Variants in FAM13C observed in about 807,000 individuals in gnomAD.
FAM13C encodes the protein protein FAM13C.
In FAM13C, 37 loss-of-function variants were observed where a neutral mutation model predicts 73.2. The observed-to-expected ratio is 0.51, with a 90% CI of 0.39 to 0.67. The LOEUF is 0.67. Among genes scored for constraint, FAM13C ranks in the 30% least tolerant of loss-of-function variants. The probability of loss-of-function intolerance (pLI) is 0.00; values close to 1 mark genes in which losing one functional copy is unlikely to be tolerated. For synonymous variants in FAM13C, 246 were observed against 260.9 expected (o/e 0.94, Z 0.55); for missense variants, 589 against 715.6 (o/e 0.82, Z 2.02).
chr10:59,278,376 C>T (rs1844558463), intron 6 of FAM13C, among the ~76,000 whole-genome samples: 1 of 152,146 alleles, frequency 6.6e-6, no homozygotes, highest in African/African-American at 2.4e-5. Context: ...CACTAATGCC[C>T]AATCCATTCA....
intron 4 of FAM13C, among the ~76,000 whole-genome samples, chr10:59,311,732 G>A (rs1848944027): frequency 6.6e-6 from 1 of 152,174 alleles, no homozygotes; most frequent in South Asian, 2.1e-4. Flanking sequence ...CGGAAGAGAA[G>A]GTGGGGTGTG....
intron 4 of FAM13C, among the ~76,000 whole-genome samples, chr10:59,322,028 T>A (rs959236771): frequency 5.9e-5 from 9 of 152,180 alleles, no homozygotes; most frequent in African/African-American, 2.2e-4. Flanking sequence ...TACAGTATCA[T>A]GTCTCTATCA....
chr10:59,325,567 A>G (rs1850988317), intron 3 of FAM13C, among the ~76,000 whole-genome samples: 1 of 152,130 alleles, frequency 6.6e-6, no homozygotes, highest in African/African-American at 2.4e-5. Flanking sequence ...ATACTGGTCA[A>G]ACTCTCTCAC....
intron 4 of FAM13C, chr10:59,323,283 G>T (rs1215203365): frequency 5.3e-5 from 8 of 152,326 alleles, no homozygotes; most frequent in Admixed American, 5.2e-4. Context: ...CAGCTGCAAT[G>T]CCAGGCTCCC....
intron 3 of FAM13C, among the ~76,000 whole-genome samples, chr10:59,349,795 C>T (rs774970456): frequency 2.6e-5 from 4 of 151,942 alleles, no homozygotes; most frequent in Non-Finnish European, 5.9e-5. Context: ...ATTGAATGGA[C>T]TACCAAGGAA....
chr10:59,271,676 C>G (rs766798816), intron 6 of FAM13C, among the ~76,000 whole-genome samples: 43 of 152,192 alleles, frequency 2.8e-4, no homozygotes, highest in Non-Finnish European at 5.1e-4. Flanking sequence ...ATAAGAGTTA[C>G]TAACCAATAA....
chr10:59,286,720 C>T (rs940919948), intron 5 of FAM13C, among the ~76,000 whole-genome samples: 2 of 151,190 alleles, frequency 1.3e-5, no homozygotes, highest in Admixed American at 1.3e-4. Context: ...CTTAATGTCA[C>T]TGAACTACAC....
chr10:59,254,283 A>G, intron 11 of FAM13C, 65 bp downstream of exon 11: 1 of 1,069,824 alleles, frequency 9.3e-7, no homozygotes, highest in Non-Finnish European at 1.4e-6. Context: ...CTCTTGTACT[A>G]CTATGTGACA....
intron 1 of FAM13C, chr10:59,361,096 C>T (rs1248925076): frequency 2.3e-6 from 3 of 1,289,176 alleles, no homozygotes; most frequent in African/African-American, 3.0e-5. Context: ...ACACCTCTCT[C>T]CCCTTCTCTC....
intron 3 of FAM13C, among the ~76,000 whole-genome samples, chr10:59,339,253 A>C (rs939270472): frequency 6.6e-6 from 1 of 152,114 alleles, no homozygotes. Context: ...ATTGCTATTA[A>C]AGGTCACATT....
intron 5 of FAM13C, among the ~76,000 whole-genome samples, chr10:59,298,414 T>C (rs118059901): frequency 2.1e-4 from 32 of 152,332 alleles, no homozygotes; most frequent in Non-Finnish European, 4.1e-4. Flanking sequence ...TCAAAGTATC[T>C]ATCAGATAAG....
At chr10:59,298,693 C>G (rs1847206823) in intron 5 of FAM13C, among the ~76,000 whole-genome samples, 2 of 152,186 alleles carry the variant, frequency 1.3e-5, no homozygotes, top group South Asian at 4.1e-4. Context: ...TGCTATTGCA[C>G]TACTTACTAT....
Position 59,354,220 on chromosome 10 carries a change from T to C in FAM13C, c.119+1667A>G, listed in dbSNP as rs74150874. On this transcript the variant is annotated intron_variant, in intron 2 of 13. Coordinates refer to ENST00000618804, the MANE Select transcript of FAM13C (RefSeq NM_198215.4). The stretch of plus-strand genomic sequence containing the variant: ...TTTTTATATCATGTTTTCAAGTCAA[T>C]CAAAATTTAGAAGTGTAATTTTGTT... Among the ~76,000 whole-genome samples, 469 of 152,246 alleles carry C rather than the reference T, an allele frequency of 3.1e-3. 3 individuals carry two copies. Among genetic ancestry groups the C allele is most frequent in the African/African-American group, 0.01 (429 of 41,552 alleles).
At chr10:59,304,863 A>C (rs1189022470) in intron 4 of FAM13C, among the ~76,000 whole-genome samples, 1 of 129,426 alleles carries the variant, frequency 7.7e-6, no homozygotes, top group East Asian at 2.6e-4. Context: ...GGGGAAGGGA[A>C]AGGGAGGGCA....
At chr10:59,335,906 C>A (rs994095388) in intron 3 of FAM13C, among the ~76,000 whole-genome samples, 1 of 152,154 alleles carries the variant, frequency 6.6e-6, no homozygotes, top group Non-Finnish European at 1.5e-5. Flanking sequence ...ACATAGTATC[C>A]TGGGACATCA....
At chr10:59,280,471 C>T (rs937674014) in intron 6 of FAM13C, among the ~76,000 whole-genome samples, 3 of 152,176 alleles carry the variant, frequency 2.0e-5, no homozygotes, top group Non-Finnish European at 2.9e-5. Flanking sequence ...AGCCTCTTCC[C>T]GTTGGCAAAA....
At chr10:59,292,525 A>G (rs903019836) in intron 5 of FAM13C, among the ~76,000 whole-genome samples, 61 of 152,384 alleles carry the variant, frequency 4.0e-4, no homozygotes, top group African/African-American at 1.4e-3. Flanking sequence ...TTCTGATAAC[A>G]CTACCTTAAC....
chr10:59,351,422 A>C (rs1310639821), intron 3 of FAM13C, among the ~76,000 whole-genome samples: 1 of 152,154 alleles, frequency 6.6e-6, no homozygotes, highest in African/African-American at 2.4e-5. Context: ...TAATTAATAA[A>C]ATATCCATTT....
chr10:59,260,306 T>C (rs1209065983), intron 10 of FAM13C, among the ~76,000 whole-genome samples: 1 of 152,138 alleles, frequency 6.6e-6, no homozygotes, highest in Non-Finnish European at 1.5e-5. Context: ...TGCTCTCAAC[T>C]GTTCAACAAC....
Sources: allele counts gnomAD v4.1 joint callset (sites outside exome capture counted in the v4.1 genomes callset), GRCh38; gene constraint gnomAD v4.1.1; transcripts MANE v1.5; gene names NCBI Gene and HGNC (gene_info 2026-07-23, HGNC 2026-07-21).